The following SPATA16 variants were observed in gnomAD, a reference collection of about 807,000 sequenced individuals.
SPATA16 encodes the protein spermatogenesis-associated protein 16.
In SPATA16, 36 loss-of-function variants were observed where a neutral mutation model predicts 63.3. The ratio of observed to expected loss-of-function variants is 0.57; its 90% CI spans 0.44 to 0.75. The LOEUF is 0.75. Ranked by LOEUF, SPATA16 falls within the 30% of genes least tolerant of loss-of-function variation. The pLI is 0.00. For missense variants in SPATA16, 646 were observed against 679.3 expected, an observed-to-expected ratio of 0.95 and a Z score of 0.54; for synonymous variants, 203 against 216.7, an observed-to-expected ratio of 0.94 and a Z score of 0.56.
intron 2 of SPATA16, among the ~76,000 whole-genome samples, chr3:173,108,984 GT>G (rs1200266535): frequency 1.3e-5 from 2 of 152,152 alleles, no homozygotes; most frequent in Non-Finnish European, 2.9e-5. Flanking sequence ...TATCTCTATT[GT>G]TAGCTACGCA....
chr3:172,937,073 A>G (rs147134987), intron 6 of SPATA16, among the ~76,000 whole-genome samples: 35 of 152,298 alleles, frequency 2.3e-4, no homozygotes, highest in African/African-American at 7.7e-4. Context: ...TCAGAATTGA[A>G]TTGCAATATC....
intron 3 of SPATA16, among the ~76,000 whole-genome samples, chr3:173,023,080 G>A (rs1577136314): frequency 6.6e-6 from 1 of 151,358 alleles, no homozygotes; most frequent in African/African-American, 2.4e-5. Context: ...ATTTCTATTT[G>A]TGGATACTTT....
rs74810670 is a variant in SPATA16, at chr3:173,037,065, A to C, written c.758+11884T>G. 7.7e-3 allele frequency among the ~76,000 whole-genome samples: 1,171 copies of C among 152,108 alleles called. 18 individuals are homozygous for C. Among genetic ancestry groups the C allele is most frequent in the African/African-American group, 0.026 (1,072 of 41,538 alleles). ...AAAATATAAAATTATATAATGTTTA[A>C]AAATATGGTAAAATCCTCAAAGTTT... On this transcript the variant is annotated intron_variant, in intron 3 of 10. Transcript: ENST00000351008.
chr3:172,965,644 T>G (rs941612543), intron 5 of SPATA16, among the ~76,000 whole-genome samples: 19 of 152,166 alleles, frequency 1.2e-4, no homozygotes, highest in African/African-American at 4.6e-4. Context: ...TTTATTATTT[T>G]TTTTTTGAGA....
intron 4 of SPATA16, among the ~76,000 whole-genome samples, chr3:172,991,274 T>C (rs1022260887): frequency 6.6e-6 from 1 of 152,186 alleles, no homozygotes; most frequent in African/African-American, 2.4e-5. Flanking sequence ...TATACCTGTT[T>C]AGTACTCTAT....
chr3:173,023,277 C>T (rs1402869899), intron 3 of SPATA16, among the ~76,000 whole-genome samples: 2 of 151,450 alleles, frequency 1.3e-5, no homozygotes, highest in African/African-American at 4.8e-5. Context: ...ATAATCCATC[C>T]TTCTCTCGTG....
At chr3:172,904,264 A>G (rs1270569181) in intron 10 of SPATA16, among the ~76,000 whole-genome samples, 1 of 152,218 alleles carries the variant, frequency 6.6e-6, no homozygotes, top group African/African-American at 2.4e-5. Context: ...TATCTGAAAT[A>G]AATTTTTCTA....
chr3:173,096,995 G>A lies in SPATA16; in HGVS notation c.612+20125C>T, dbSNP rs546383463. Among the ~76,000 whole-genome samples the A allele has an allele frequency of 1.4e-3, 214 of 152,242 alleles. 1 individual carries two copies. Among genetic ancestry groups the A allele is most frequent in the African/African-American group, 4.9e-3 (204 of 41,556 alleles). On this transcript the variant is annotated intron_variant, in intron 2 of 10. Transcript: ENST00000351008. ...ATACAGTAGTCCCTTCTTACCCATG[G>A]TTTTGCAGTTTCAGTTACCCATGGT... is the stretch of plus-strand genomic sequence containing the variant.
rs372799441 is a variant in SPATA16 at position 172,889,667 on chromosome 3, T to C, written c.1613A>G (p.Tyr538Cys). The change falls in exon 11 of 11, where the codon TAC becomes TGC. Residue 538 changes from tyrosine (Y) to cysteine (C), a missense_variant. Physicochemically the swap from Tyr to Cys is radical, Grantham distance 194. Coordinates refer to ENST00000351008, the MANE Select transcript of SPATA16 (RefSeq NM_031955.6). ...TTTTAAGAAACTGTCCTCTAATTGG[T>C]ATAGAAAATCTTCAATTTGTCCAAC... ...QKVGQIEDFL[Y>C]QLEDSFLKTK... is the part of the protein sequence containing the mutation. 2.2e-5 allele frequency: 35 copies of C among 1,613,412 alleles called. No individual in the cohort carries two copies. The highest frequency in any genetic ancestry group is 2.8e-5 in the Non-Finnish European group (33 of 1,179,814).
intron 5 of SPATA16, among the ~76,000 whole-genome samples, chr3:172,968,750 A>G (rs980824819): frequency 6.6e-6 from 1 of 152,200 alleles, no homozygotes; most frequent in East Asian, 1.9e-4. Context: ...GATCAAATAC[A>G]TGCCTCAATT....
intron 3 of SPATA16, among the ~76,000 whole-genome samples, chr3:173,029,632 A>G (rs1005750630): frequency 8.5e-5 from 13 of 152,068 alleles, no homozygotes; most frequent in Non-Finnish European, 1.6e-4. Flanking sequence ...CTGGCAAGGC[A>G]GTAAAAAGAC....
chr3:172,911,363 C>G (rs1732368535), intron 10 of SPATA16, among the ~76,000 whole-genome samples: 2 of 152,148 alleles, frequency 1.3e-5, no homozygotes, highest in African/African-American at 2.4e-5. Context: ...AGTGGGGAGT[C>G]TGAGTTTTGG....
intron 8 of SPATA16, among the ~76,000 whole-genome samples, chr3:172,920,356 C>T (rs762794894): frequency 8.5e-5 from 13 of 152,170 alleles, no homozygotes; most frequent in Non-Finnish European, 1.6e-4. Context: ...ATGCAGTCAG[C>T]ACCTAGTTAA....
intron 2 of SPATA16, among the ~76,000 whole-genome samples, chr3:173,051,344 A>C (rs2108295184): frequency 6.6e-6 from 1 of 152,308 alleles, no homozygotes; most frequent in Non-Finnish European, 1.5e-5. Flanking sequence ...TTGGGATTAC[A>C]GGCAAGTGCC....
intron 2 of SPATA16, among the ~76,000 whole-genome samples, chr3:173,096,520 T>G (rs891419375): frequency 3.3e-5 from 5 of 152,126 alleles, no homozygotes; most frequent in African/African-American, 1.2e-4. Context: ...TGTCTTACAC[T>G]CTGATTGTCT....
chr3:172,925,476 G>A lies in SPATA16; in HGVS notation c.1098C>T (p.His366=). 2 of 1,614,032 alleles carry A rather than the reference G, an allele frequency of 1.2e-6. No individual in the cohort carries two copies. Among genetic ancestry groups the A allele is most frequent in the Non-Finnish European group, 1.7e-6 (2 of 1,179,934 alleles). ...EYMYTDLQAL[H]MLPQTVDWSS... is the part of the protein sequence containing the mutation. ...ACCAGTCAACTGTCTGAGGCAACATGTGGAGTGCTTGAAGATCTGAAATAT... is the reference window on the plus strand; with the variant it reads ...ACCAGTCAACTGTCTGAGGCAACATATGGAGTGCTTGAAGATCTGAAATAT... Residue 366 remains histidine (H), a synonymous_variant, in exon 7 of 11, where the codon CAC becomes CAT. Coordinates refer to ENST00000351008, the MANE Select transcript of SPATA16 (RefSeq NM_031955.6).
chr3:172,974,612 G>C (rs1016610444), intron 5 of SPATA16, among the ~76,000 whole-genome samples: 4 of 151,942 alleles, frequency 2.6e-5, no homozygotes, highest in African/African-American at 9.7e-5. Context: ...TGAGTGAATG[G>C]TTTGGTGTGC....
At chr3:173,101,309 C>T (rs1453344841) in intron 2 of SPATA16, among the ~76,000 whole-genome samples, 1 of 152,136 alleles carries the variant, frequency 6.6e-6, no homozygotes, top group Non-Finnish European at 1.5e-5. Flanking sequence ...GAAATCTCTC[C>T]TCTCACTGCT....
At chr3:173,082,618 G>C (rs1397412933) in intron 2 of SPATA16, among the ~76,000 whole-genome samples, 1 of 152,218 alleles carries the variant, frequency 6.6e-6, no homozygotes, top group African/African-American at 2.4e-5. Context: ...TTTGAGCAGG[G>C]AATTCGAGTA....
Sources: gnomAD v4.1 joint callset for allele counts (sites outside exome capture counted in the v4.1 genomes callset) on GRCh38, gnomAD v4.1.1 for gene constraint, MANE v1.5 for transcripts, NCBI Gene and HGNC (gene_info 2026-07-23, HGNC 2026-07-21) for gene names.